Variants in DLG2 observed in about 807,000 individuals in gnomAD.
DLG2 encodes disks large homolog 2.
DLG2 carries 45 observed loss-of-function variants against 132.5 expected under a neutral mutation model. The observed-to-expected ratio is 0.34, with a 90% CI of 0.27 to 0.44. DLG2 has a LOEUF of 0.44. Among genes scored for constraint, DLG2 ranks in the 20% least tolerant of loss-of-function variants. The pLI, the probability that DLG2 is intolerant of heterozygous loss-of-function variation, is 1.00. For missense variants in DLG2, 1,045 were observed against 1,196.9 expected (o/e 0.87, Z 1.87); for synonymous variants, 424 against 419.6 (o/e 1.01, Z -0.13).
rs550488158 is a variant in DLG2 at position 85,230,610 on chromosome 11, T to C, written c.186+54610A>G. 2.0e-5 allele frequency among the ~76,000 whole-genome samples: 3 copies of C among 152,052 alleles called. No homozygotes were observed. The East Asian group carries it at 5.8e-4, about 29-fold the overall frequency. ...ATTCTTCATAATTCCCAGTTTATTA[T>C]AAGACTTAATCTGACTATTCCTAAG... On this transcript the variant is annotated intron_variant, in intron 4 of 27. Transcript: ENST00000376104.
At chr11:83,721,604 TAC>T (rs533120028) in intron 18 of DLG2, among the ~76,000 whole-genome samples, 1 of 152,218 alleles carries the variant, frequency 6.6e-6, no homozygotes, top group Non-Finnish European at 1.5e-5. Flanking sequence ...ACAGACATTT[TAC>T]AAAAATGGAT....
chr11:85,145,485 T>C (rs976026878), intron 5 of DLG2, among the ~76,000 whole-genome samples: 6 of 152,146 alleles, frequency 3.9e-5, no homozygotes, highest in African/African-American at 1.2e-4. Flanking sequence ...GACTGTTTTC[T>C]AGATCTCATA....
chr11:84,195,348 A>G (rs1004801709), intron 8 of DLG2, among the ~76,000 whole-genome samples: 1 of 152,014 alleles, frequency 6.6e-6, no homozygotes, highest in African/African-American at 2.4e-5. Context: ...TTATTCTAGT[A>G]GAGACGGGGT....
chr11:85,069,059 C>A (rs2065372002), intron 6 of DLG2, among the ~76,000 whole-genome samples: 1 of 151,650 alleles, frequency 6.6e-6, no homozygotes. Context: ...GGAAAGGATT[C>A]CCTATTTAAT....
chr11:83,834,208 A>C (rs2055428144), intron 16 of DLG2, among the ~76,000 whole-genome samples: 1 of 152,188 alleles, frequency 6.6e-6, no homozygotes. Flanking sequence ...ACTGTTAATT[A>C]AAATTTACTG....
intron 6 of DLG2, among the ~76,000 whole-genome samples, chr11:85,110,980 T>C (rs1338695369): frequency 6.6e-6 from 1 of 152,156 alleles, no homozygotes; most frequent in Non-Finnish European, 1.5e-5. Flanking sequence ...AGGCAATCCA[T>C]GTATTACAGA....
At chr11:83,900,186 G>A (rs887689227) in intron 15 of DLG2, among the ~76,000 whole-genome samples, 40 of 152,156 alleles carry the variant, frequency 2.6e-4, no homozygotes, top group African/African-American at 8.7e-4. Context: ...GGTGACTTGG[G>A]TGCTGTTAAA....
chr11:84,133,925 T>A (rs2154220156), intron 9 of DLG2, among the ~76,000 whole-genome samples: 1 of 152,206 alleles, frequency 6.6e-6, no homozygotes, highest in South Asian at 2.1e-4. Flanking sequence ...CATTTCTTCA[T>A]TTGCCAAAAT....
intron 9 of DLG2, among the ~76,000 whole-genome samples, chr11:84,153,020 T>A (rs1392035764): frequency 6.6e-6 from 1 of 152,222 alleles, no homozygotes; most frequent in Non-Finnish European, 1.5e-5. Flanking sequence ...CTCAAGGACC[T>A]CTTGTATGGC....
chr11:85,384,341 A>G (rs1170108033), intron 3 of DLG2, among the ~76,000 whole-genome samples: 6 of 152,204 alleles, frequency 3.9e-5, no homozygotes. Context: ...GAAATTGACA[A>G]GCTGATCCTA....
At chr11:85,182,502 A>G (rs2079782103) in intron 4 of DLG2, among the ~76,000 whole-genome samples, 1 of 151,870 alleles carries the variant, frequency 6.6e-6, no homozygotes, top group Admixed American at 6.6e-5. Flanking sequence ...AGAAACACAA[A>G]CTGCTTTTTA....
At chr11:83,467,810 T>TATATATATACAC (rs1414160515) in intron 25 of DLG2, among the ~76,000 whole-genome samples, 105 of 96,186 alleles carry the variant, frequency 1.1e-3, no homozygotes, top group East Asian at 1.9e-3. Context: ...TATATATATA[T>TATATATATACAC]ACACACACAC....
At chr11:83,894,721 C>G (rs1294618004) in intron 15 of DLG2, among the ~76,000 whole-genome samples, 1 of 152,168 alleles carries the variant, frequency 6.6e-6, no homozygotes, top group Admixed American at 6.5e-5. Context: ...AATTTCCTTA[C>G]TGTACTATGG....
intron 6 of DLG2, among the ~76,000 whole-genome samples, chr11:84,829,269 T>C (rs937812526): frequency 6.6e-6 from 1 of 151,704 alleles, no homozygotes; most frequent in African/African-American, 2.4e-5. Context: ...AAGTGACATA[T>C]GCCACTTCTG....
intron 21 of DLG2, among the ~76,000 whole-genome samples, chr11:83,504,942 G>A (rs1347333162): frequency 6.7e-6 from 1 of 150,284 alleles, no homozygotes; most frequent in Non-Finnish European, 1.5e-5. Flanking sequence ...AGGATGATGG[G>A]GAACATAGTA....
chr11:85,603,575 T>C (rs2080314300), intron 2 of DLG2, among the ~76,000 whole-genome samples: 1 of 152,000 alleles, frequency 6.6e-6, no homozygotes, highest in African/African-American at 2.4e-5. Context: ...TTTTTTAAGC[T>C]TCTGTGGCAT....
At chr11:83,979,464 CT>C (rs1369677043) in intron 12 of DLG2, among the ~76,000 whole-genome samples, 1 of 152,156 alleles carries the variant, frequency 6.6e-6, no homozygotes, top group Non-Finnish European at 1.5e-5. Flanking sequence ...GATTATTATC[CT>C]GTAGATTTTG....
chr11:83,872,536 T>C (rs1048192644), intron 16 of DLG2, among the ~76,000 whole-genome samples: 7 of 152,204 alleles, frequency 4.6e-5, no homozygotes, highest in Admixed American at 2.6e-4. Context: ...GGAGTCACTC[T>C]GGTGTTTTGA....
At chr11:83,731,618 A>G (rs2091025219) in intron 18 of DLG2, among the ~76,000 whole-genome samples, 1 of 152,202 alleles carries the variant, frequency 6.6e-6, no homozygotes, top group Admixed American at 6.5e-5. Flanking sequence ...ATGTCTTTGC[A>G]GTAGAATGAT....
Sources: gnomAD v4.1 joint callset for allele counts (sites outside exome capture counted in the v4.1 genomes callset) on GRCh38, gnomAD v4.1.1 for gene constraint, MANE v1.5 for transcripts, NCBI Gene and HGNC (gene_info 2026-07-23, HGNC 2026-07-21) for gene names.